SLC35A1: variants seen among roughly 807,000 people sequenced by gnomAD.
The protein encoded by SLC35A1 is solute carrier family 35 member A1.
SLC35A1 carries 21 observed loss-of-function variants against 40.3 expected under a neutral mutation model. The ratio of observed to expected loss-of-function variants is 0.52; its 90% CI spans 0.37 to 0.75. SLC35A1 has a LOEUF of 0.75. Among genes scored for constraint, SLC35A1 ranks in the 30% least tolerant of loss-of-function variants. SLC35A1 has a pLI of 0.00. For missense variants in SLC35A1, 297 were observed against 382.1 expected, an observed-to-expected ratio of 0.78 and a Z score of 1.86; for synonymous variants, 146 against 147.3, an observed-to-expected ratio of 0.99 and a Z score of 0.06.
At chr6:87,507,549 G>GA (rs1176304162) in intron 5 of SLC35A1, among the ~76,000 whole-genome samples, 5 of 152,228 alleles carry the variant, frequency 3.3e-5, no homozygotes, top group African/African-American at 1.2e-4. Context: ...AATCAGAGGT[G>GA]AAAATAAGAA....
chr6:87,505,460 T>C (rs1770050520), intron 4 of SLC35A1, among the ~76,000 whole-genome samples: 1 of 152,252 alleles, frequency 6.6e-6, no homozygotes, highest in Non-Finnish European at 1.5e-5. Context: ...CTTGTCAATT[T>C]TGCCTATACA....
At chr6:87,482,021 G>A (rs1055790126) in intron 2 of SLC35A1, among the ~76,000 whole-genome samples, 20 of 152,044 alleles carry the variant, frequency 1.3e-4, no homozygotes, top group Non-Finnish European at 2.6e-4. Flanking sequence ...CACATAAACT[G>A]TTTCTTCAAT....
At position 87,495,110 on chromosome 6, in the gene SLC35A1, T is replaced by C. The variant is rs1769681393; in HGVS notation, c.195-5398T>C. Among the ~76,000 whole-genome samples the C allele has an allele frequency of 2.0e-5, 3 of 152,250 alleles. No homozygotes were observed. In the South Asian group the frequency reaches 6.2e-4, roughly 32 times the overall value. On this transcript the variant is annotated intron_variant, in intron 2 of 7. Transcript: ENST00000369552. ...TCAGCCTCCCCAGTAGCTGGGATTATAGGTGCGTAGCACCACACCCAGCTA... is the reference window on the plus strand; with the variant it reads ...TCAGCCTCCCCAGTAGCTGGGATTACAGGTGCGTAGCACCACACCCAGCTA...
intron 2 of SLC35A1, among the ~76,000 whole-genome samples, chr6:87,482,484 T>G (rs1487745469): frequency 2.0e-5 from 3 of 152,238 alleles, no homozygotes; most frequent in Admixed American, 2.0e-4. Flanking sequence ...AGACCACTCC[T>G]TCCTGATTCT....
At chr6:87,478,765 CAAAA>C (rs969476384) in intron 2 of SLC35A1, among the ~76,000 whole-genome samples, 1 of 152,052 alleles carries the variant, frequency 6.6e-6, no homozygotes, top group Admixed American at 6.5e-5. Flanking sequence ...GTGCCACACA[CAAAA>C]AAACAGCACT....
chr6:87,483,641 G>T (rs980424247), intron 2 of SLC35A1, among the ~76,000 whole-genome samples: 3 of 151,912 alleles, frequency 2.0e-5, no homozygotes, highest in Non-Finnish European at 4.4e-5. Flanking sequence ...GGGATGTCTT[G>T]CCTTGCCTGC....
In SLC35A1 at chr6:87,473,013, C is replaced by A. The variant is rs1295072596; in HGVS notation, c.10C>A (p.Pro4Thr). 2.9e-6 allele frequency: 2 copies of A among 679,572 alleles called. No homozygotes were observed. The highest frequency in any genetic ancestry group is 1.9e-5 in the African/African-American group (1 of 52,830). 42.1% of individuals were successfully genotyped at this position (679,572 alleles called of 1,614,324 possible). Residue 4 changes from proline (P) to threonine (T), a missense_variant, in exon 1 of 8, where the codon CCG becomes ACG. Transcript: ENST00000369552. MAA[P>T]RDNVTLLFKL... The stretch of plus-strand genomic sequence containing the variant: ...GGGCTGTCGGGGAACCATGGCTGCC[C>A]CGAGAGGTGAGAACTGGGTCTGCTG...
intron 1 of SLC35A1, among the ~76,000 whole-genome samples, chr6:87,474,605 AT>A (rs2127961488): frequency 6.6e-6 from 1 of 152,358 alleles, no homozygotes; most frequent in Admixed American, 6.5e-5. Context: ...AATAATTGAA[AT>A]TGCTAATAAC....
chr6:87,500,467 C>T (rs1177187095), intron 2 of SLC35A1, 41 bp from the exon 3 acceptor site: 1 of 1,600,628 alleles, frequency 6.2e-7, no homozygotes, highest in Non-Finnish European at 8.6e-7. Context: ...CTTTAATTTT[C>T]TTCCTTACCA....
At chr6:87,501,445 CCTT>C (rs1274834189) in intron 4 of SLC35A1, 135 bp downstream of exon 4, 1 of 870,066 alleles carries the variant, frequency 1.1e-6, no homozygotes, top group Non-Finnish European at 1.9e-6. Context: ...TATAGATAGG[CCTT>C]TTTTCTTTAG....
intron 1 of SLC35A1, among the ~76,000 whole-genome samples, chr6:87,475,432 A>G (rs1291922379): frequency 6.6e-6 from 1 of 152,244 alleles, no homozygotes; most frequent in African/African-American, 2.4e-5. Flanking sequence ...TGTGTAGGAA[A>G]GTTTTAGAAC....
At chr6:87,477,165 T>TA (rs1378305574) in intron 1 of SLC35A1, among the ~76,000 whole-genome samples, 197 bp from the exon 2 acceptor site, 1 of 112,790 alleles carries the variant, frequency 8.9e-6, no homozygotes. Flanking sequence ...AAGTCAGCTG[T>TA]GGTGTGTGTG....
At chr6:87,509,787 A>G (rs1770197531) in intron 7 of SLC35A1, among the ~76,000 whole-genome samples, 1 of 152,024 alleles carries the variant, frequency 6.6e-6, no homozygotes, top group Non-Finnish European at 1.5e-5. Context: ...AATTTTCCCA[A>G]CTCTCACACC....
intron 1 of SLC35A1, among the ~76,000 whole-genome samples, chr6:87,474,780 A>C (rs1223704821): frequency 6.6e-6 from 1 of 152,232 alleles, no homozygotes; most frequent in African/African-American, 2.4e-5. Context: ...TTTTGCACAT[A>C]CCTAAACTTA....
intron 1 of SLC35A1, 76 bp downstream of exon 1, chr6:87,473,095 T>C (rs1768963995): frequency 7.1e-6 from 3 of 424,220 alleles, no homozygotes; most frequent in South Asian, 1.6e-4. Context: ...GGTCAGCCCC[T>C]GTCGGGCAGC....
intron 5 of SLC35A1, chr6:87,506,787 A>G (rs991550702): frequency 1.3e-5 from 4 of 316,548 alleles, no homozygotes; most frequent in African/African-American, 4.3e-5. Context: ...AACTGCCACT[A>G]TCAAGTCAGA....
chr6:87,484,148 G>C (rs1256072685), intron 2 of SLC35A1, among the ~76,000 whole-genome samples: 1 of 152,110 alleles, frequency 6.6e-6, no homozygotes, highest in Non-Finnish European at 1.5e-5. Context: ...TTGCCAGCCG[G>C]TTTGGTTTCT....
At chr6:87,508,961 C>G (rs985741010) in intron 6 of SLC35A1, 80 bp from the exon 7 acceptor site, 1 of 1,441,484 alleles carries the variant, frequency 6.9e-7, no homozygotes, top group Non-Finnish European at 9.8e-7. Flanking sequence ...TATGGCATCT[C>G]TGGGGATGAA....
chr6:87,486,458 A>G (rs939914470), intron 2 of SLC35A1, among the ~76,000 whole-genome samples: 1 of 152,174 alleles, frequency 6.6e-6, no homozygotes, highest in Admixed American at 6.5e-5. Context: ...ATACCTATCA[A>G]ACCTCAATTA....
Sources: gnomAD v4.1 joint callset for allele counts (sites outside exome capture counted in the v4.1 genomes callset) on GRCh38, gnomAD v4.1.1 for gene constraint, MANE v1.5 for transcripts, NCBI Gene and HGNC (gene_info 2026-07-23, HGNC 2026-07-21) for gene names.